Variants in C3orf70 observed in about 807,000 individuals in gnomAD.
C3orf70 encodes the protein UPF0524 protein C3orf70.
C3orf70 carries 15 observed loss-of-function variants against 20.7 expected under a neutral mutation model. That is an observed-to-expected ratio of 0.72 (90% CI 0.48 to 1.11). The LOEUF is 1.11. C3orf70 is among the 50% of genes most tolerant of loss of function. The pLI, the probability that C3orf70 is intolerant of heterozygous loss-of-function variation, is 0.00. For missense variants in C3orf70, 332 were observed against 317.6 expected (o/e 1.05, Z -0.34); for synonymous variants, 161 against 125.7 (o/e 1.28, Z -1.88).
At chr3:185,117,651 C>A (rs979726187) in intron 1 of C3orf70, among the ~76,000 whole-genome samples, 3 of 152,192 alleles carry the variant, frequency 2.0e-5, no homozygotes, top group African/African-American at 7.2e-5. Context: ...ATGTTTCTCC[C>A]AGCTTGGCTT....
At chr3:185,101,838 A>G (rs994120484) in intron 1 of C3orf70, among the ~76,000 whole-genome samples, 2 of 152,226 alleles carry the variant, frequency 1.3e-5, no homozygotes, top group African/African-American at 4.8e-5. Context: ...GCCAAACCAT[A>G]TCAATGCAGA....
intron 1 of C3orf70, among the ~76,000 whole-genome samples, chr3:185,120,834 G>C (rs1716282817): frequency 6.7e-6 from 1 of 149,768 alleles, no homozygotes; most frequent in Admixed American, 6.6e-5. Flanking sequence ...ATTCCTTAAA[G>C]AACTAAAAGT....
In C3orf70 at chr3:185,094,517, C is replaced by A. The variant is rs561900737; in HGVS notation, c.197-10954G>T. On this transcript the variant is annotated intron_variant, in intron 1 of 1. Coordinates refer to ENST00000335012, the MANE Select transcript of C3orf70 (RefSeq NM_001025266.3). ...AACGTGGTAAGAGCAAAACCCTTCC[C>A]TTGCCAAGGGAGACGGGATACAGTA... is the stretch of plus-strand genomic sequence containing the variant. Among the ~76,000 whole-genome samples, 7 of 152,250 alleles carry A rather than the reference C, an allele frequency of 4.6e-5. No individual in the cohort carries two copies. In the South Asian group the frequency reaches 1.5e-3, roughly 32 times the overall value.
At chr3:185,133,087 T>C (rs1302047401) in intron 1 of C3orf70, among the ~76,000 whole-genome samples, 1 of 152,230 alleles carries the variant, frequency 6.6e-6, no homozygotes, top group Non-Finnish European at 1.5e-5. Context: ...ACTTCATTCA[T>C]AATACGAGAA....
At chr3:185,144,345 AGTG>A (rs1716813639) in intron 1 of C3orf70, among the ~76,000 whole-genome samples, 1 of 152,238 alleles carries the variant, frequency 6.6e-6, no homozygotes, top group African/African-American at 2.4e-5. Context: ...GTCTGACTCC[AGTG>A]CCTGCCATCA....
In C3orf70 at chr3:185,146,276, A is replaced by ATT. The variant is rs10576073; in HGVS notation, c.196+6350_196+6351dup. Among the ~76,000 whole-genome samples, 210 of 67,086 alleles carry ATT rather than the reference A, an allele frequency of 3.1e-3. 12 individuals carry two copies. The highest frequency in any genetic ancestry group is 6.2e-3 in the African/African-American group (118 of 18,882). The allele number at this position is 67,086 out of a possible 152,430, so 44.0% of individuals were successfully genotyped here. A position where few individuals can be genotyped will look rare whatever the true frequency, so the allele number is the denominator to read the frequency against. ...ATCACTAGACAAAGTTACAACTCTC[A>ATT]TTTTTTTTTTTTTTTTTTTTTTTTT... On this transcript the variant is annotated intron_variant, in intron 1 of 1. Transcript: ENST00000335012.
At chr3:185,094,089 T>C (rs1257732728) in intron 1 of C3orf70, among the ~76,000 whole-genome samples, 1 of 144,978 alleles carries the variant, frequency 6.9e-6, no homozygotes, top group East Asian at 2.0e-4. Flanking sequence ...TTTTTTTTTT[T>C]TTTTTTTTGA....
At chr3:185,108,073 C>A (rs1332555586) in intron 1 of C3orf70, among the ~76,000 whole-genome samples, 1 of 152,178 alleles carries the variant, frequency 6.6e-6, no homozygotes, top group Non-Finnish European at 1.5e-5. Context: ...ACAAATACAG[C>A]AAGCTTCTAT....
In C3orf70 at chr3:185,125,610, G is replaced by T. The variant is rs74785034; in HGVS notation, c.196+27018C>A. On this transcript the variant is annotated intron_variant, in intron 1 of 1. Transcript: ENST00000335012. ...ATAGAAACAATCCAAATATCCACCA[G>T]CTGATGAATGTTAAACAAATTGTGG... is the stretch of plus-strand genomic sequence containing the variant. 8.1e-3 allele frequency among the ~76,000 whole-genome samples: 1,231 copies of T among 152,212 alleles called. 23 individuals carry two copies. Among genetic ancestry groups the T allele is most frequent in the African/African-American group, 0.028 (1,152 of 41,524 alleles).
intron 1 of C3orf70, among the ~76,000 whole-genome samples, chr3:185,113,701 A>T (rs1426986546): frequency 6.6e-6 from 1 of 152,250 alleles, no homozygotes; most frequent in Non-Finnish European, 1.5e-5. Flanking sequence ...TTAATGCCAG[A>T]ATATAAAATA....
At chr3:185,138,472 C>T (rs181631408) in intron 1 of C3orf70, among the ~76,000 whole-genome samples, 2 of 151,374 alleles carry the variant, frequency 1.3e-5, no homozygotes, top group African/African-American at 2.4e-5. Flanking sequence ...ATAAGCAACA[C>T]CTGTCATAAA....
intron 1 of C3orf70, among the ~76,000 whole-genome samples, chr3:185,095,574 A>T (rs1354197379): frequency 1.3e-5 from 2 of 152,168 alleles, no homozygotes. Flanking sequence ...GAAAAAGAAG[A>T]TCTTGAAGCA....
intron 1 of C3orf70, among the ~76,000 whole-genome samples, chr3:185,099,560 C>T (rs1409991549): frequency 6.6e-6 from 1 of 152,130 alleles, no homozygotes; most frequent in African/African-American, 2.4e-5. Flanking sequence ...TACAAGAGCT[C>T]CTGAAGGAAG....
chr3:185,132,701 A>G (rs559976104), intron 1 of C3orf70, among the ~76,000 whole-genome samples: 1 of 152,346 alleles, frequency 6.6e-6, no homozygotes, highest in Non-Finnish European at 1.5e-5. Context: ...GGGAAAGGAC[A>G]GTATTTGAAG....
rs551210467 is a variant in C3orf70, at chr3:185,152,757, C to T, written c.67G>A (p.Ala23Thr). The T allele has an allele frequency of 6.3e-7, 1 of 1,591,212 alleles. No homozygotes were observed. The highest frequency in any genetic ancestry group is 1.1e-5 in the South Asian group (1 of 88,670). The change falls in exon 1 of 2, where the codon GCC becomes ACC. Residue 23 changes from alanine (A) to threonine (T), a missense_variant. Physicochemically the swap from Ala to Thr is moderately conservative, Grantham distance 58 (BLOSUM62 0). Transcript: ENST00000335012. ...WKSEKLDEAQ[A>T]LARSCAARRP... ...CGGGCGGCGCAACTCCGCGCCAGGG[C>T]CTGAGCCTCATCTAGTTTCTCGCTC...
rs149370479 is a variant in C3orf70, at chr3:185,142,836, A to C, written c.196+9792T>G. On this transcript the variant is annotated intron_variant, in intron 1 of 1. Transcript: ENST00000335012. ...ATCACTCATGTAATAATGTGACAAA[A>C]ATGTTTAATCTAAATCTAATCACGA... Among the ~76,000 whole-genome samples, 9 of 152,322 alleles carry C rather than the reference A, an allele frequency of 5.9e-5. No homozygotes were observed. In the East Asian group the frequency reaches 1.7e-3, roughly 29 times the overall value.
rs187805873 is a variant in C3orf70, at chr3:185,099,549, T to C, written c.197-15986A>G. 2.2e-3 allele frequency among the ~76,000 whole-genome samples: 330 copies of C among 152,314 alleles called. 1 individual carries two copies. Among genetic ancestry groups the C allele is most frequent in the African/African-American group, 7.7e-3 (322 of 41,568 alleles). ...ATAATTCATTACCACCAGATCTGCCTTACAAGAGCTCCTGAAGGAAGGAGT... is the reference window on the plus strand; with the variant it reads ...ATAATTCATTACCACCAGATCTGCCCTACAAGAGCTCCTGAAGGAAGGAGT... On this transcript the variant is annotated intron_variant, in intron 1 of 1. Transcript: ENST00000335012.
chr3:185,100,363 A>T (rs537261296), intron 1 of C3orf70, among the ~76,000 whole-genome samples: 1 of 152,218 alleles, frequency 6.6e-6, no homozygotes, highest in Non-Finnish European at 1.5e-5. Context: ...ACCACAGAGC[A>T]ATCAAACTGG....
rs114553103 is a variant in C3orf70, at chr3:185,077,334, A to C, written c.*5673T>G. ...TCTAGAGCCAAAGTGACCGGGTTCA[A>C]ACCCTGACTGCCACTCATGTACGAG... On this transcript the variant is annotated 3_prime_UTR_variant, in exon 2 of 2. Coordinates refer to ENST00000335012, the MANE Select transcript of C3orf70 (RefSeq NM_001025266.3). Among the ~76,000 whole-genome samples the C allele has an allele frequency of 7.5e-3, 1,138 of 152,248 alleles. 16 individuals are homozygous for C. Among genetic ancestry groups the C allele is most frequent in the African/African-American group, 0.026 (1,100 of 41,538 alleles).
Sources: gnomAD v4.1 joint callset for allele counts (sites outside exome capture counted in the v4.1 genomes callset) on GRCh38, gnomAD v4.1.1 for gene constraint, MANE v1.5 for transcripts, NCBI Gene and HGNC (gene_info 2026-07-23, HGNC 2026-07-21) for gene names.